Variants in GRIP1 observed in about 807,000 individuals in gnomAD.
GRIP1 encodes the protein glutamate receptor-interacting protein 1.
GRIP1 carries 45 observed loss-of-function variants against 129.9 expected under a neutral mutation model. That is an observed-to-expected ratio of 0.35 (90% CI 0.27 to 0.44). GRIP1 has a LOEUF of 0.44. Ranked by LOEUF, GRIP1 falls within the 20% of genes least tolerant of loss-of-function variation. The pLI is 1.00. For missense variants in GRIP1, 1,196 were observed against 1,396.8 expected (o/e 0.86, Z 2.29); for synonymous variants, 530 against 520.8 (o/e 1.02, Z -0.24).
chr12:66,481,159 C>T (rs901036312), intron 7 of GRIP1, among the ~76,000 whole-genome samples: 1 of 148,266 alleles, frequency 6.7e-6, no homozygotes, highest in African/African-American at 2.5e-5. Context: ...AGTGAAGAGG[C>T]AACCTACAGA....
intron 1 of GRIP1, among the ~76,000 whole-genome samples, chr12:66,912,376 G>A (rs2041044708): frequency 6.6e-6 from 1 of 152,004 alleles, no homozygotes; most frequent in South Asian, 2.1e-4. Flanking sequence ...CAAAGGAATT[G>A]AAGAAATACA....
intron 1 of GRIP1, among the ~76,000 whole-genome samples, chr12:66,672,051 G>A (rs931092783): frequency 3.9e-5 from 6 of 152,098 alleles, no homozygotes; most frequent in Non-Finnish European, 8.8e-5. Flanking sequence ...CAGAATATTA[G>A]GAAGAAGATG....
intron 5 of GRIP1, among the ~76,000 whole-genome samples, chr12:66,526,251 A>G (rs1198554378): frequency 6.6e-6 from 1 of 151,092 alleles, no homozygotes; most frequent in African/African-American, 2.4e-5. Flanking sequence ...ACAAAGCTGG[A>G]GGCATCAAGC....
At chr12:66,505,262 C>G (rs923165031) in intron 7 of GRIP1, among the ~76,000 whole-genome samples, 1 of 151,666 alleles carries the variant, frequency 6.6e-6, no homozygotes, top group African/African-American at 2.4e-5. Flanking sequence ...CTCAATGAAC[C>G]GTTGCTGTCT....
At chr12:66,479,829 T>C (rs2059745774) in intron 7 of GRIP1, among the ~76,000 whole-genome samples, 2 of 147,740 alleles carry the variant, frequency 1.4e-5, no homozygotes, top group African/African-American at 5.0e-5. Flanking sequence ...CACATGATTA[T>C]CTCAATAGAT....
At chr12:66,532,650 T>C (rs1357207943) in intron 4 of GRIP1, among the ~76,000 whole-genome samples, 1 of 152,156 alleles carries the variant, frequency 6.6e-6, no homozygotes, top group Non-Finnish European at 1.5e-5. Flanking sequence ...CTTGCCCTGT[T>C]TTCCCTCTGC....
At chr12:66,949,760 CT>C (rs781123585) in intron 1 of GRIP1, among the ~76,000 whole-genome samples, 5,571 of 85,470 alleles carry the variant, frequency 0.065, 27 homozygotes, top group African/African-American at 0.1. Context: ...CATGCTCCTC[CT>C]TTTTTTTTTT....
rs3924009 is a variant in GRIP1, at chr12:66,897,686, G to T, written c.58+171364C>A. Among the ~76,000 whole-genome samples the T allele has an allele frequency of 1.3e-3, 196 of 152,270 alleles. 1 individual carries two copies. The highest frequency in any genetic ancestry group is 4.4e-3 in the African/African-American group (182 of 41,550). On this transcript the variant is annotated intron_variant, in intron 1 of 1. Transcript: ENST00000643019. ...ACACCAGGTAACAGATCCAATTATG[G>T]CAAAACAGGGGAAATTAACGCTATG...
In GRIP1 at chr12:66,531,253, ATATATATATATATATATATATATATAT is replaced by A. The variant is rs1409295965; in HGVS notation, c.419-1366_419-1340del. 3.3e-3 allele frequency among the ~76,000 whole-genome samples: 57 copies of A among 17,384 alleles called. 4 individuals carry two copies. Among genetic ancestry groups the A allele is most frequent in the African/African-American group, 5.0e-3 (25 of 5,028 alleles). 11.4% of individuals were successfully genotyped at this position (17,384 alleles called of 152,430 possible). A position where few individuals can be genotyped will look rare whatever the true frequency, so the allele number is the denominator to read the frequency against. On this transcript the variant is annotated intron_variant, in intron 4 of 24. Transcript: ENST00000359742. ...TCTGTCTCAAAAAAAAAAAAAAAAA[ATATATATATATATATATATATATATAT>A]ATATATATATATATATATATATACA...
At chr12:66,588,528 TTTCA>T (rs2063726988) in intron 2 of GRIP1, among the ~76,000 whole-genome samples, 1 of 152,174 alleles carries the variant, frequency 6.6e-6, no homozygotes, top group Non-Finnish European at 1.5e-5. Context: ...AGTCTTCACA[TTTCA>T]TTCTAAGTAA....
chr12:66,607,015 AAGAG>A (rs1592638618), intron 1 of GRIP1, among the ~76,000 whole-genome samples: 1 of 138,070 alleles, frequency 7.2e-6, no homozygotes, highest in South Asian at 2.2e-4. Context: ...GAGAGAGAGA[AAGAG>A]AGAGAGTGTG....
chr12:66,697,000 C>T (rs1389058691), intron 1 of GRIP1, among the ~76,000 whole-genome samples: 7 of 151,988 alleles, frequency 4.6e-5, no homozygotes, highest in African/African-American at 1.7e-4. Context: ...CTGTAAAGCA[C>T]AAAGTAACTT....
intron 1 of GRIP1, among the ~76,000 whole-genome samples, chr12:66,659,915 C>A (rs771883033): frequency 6.6e-6 from 1 of 152,092 alleles, no homozygotes; most frequent in Non-Finnish European, 1.5e-5. Context: ...ACTCCCAAAA[C>A]GCATAGAGTT....
intron 1 of GRIP1, among the ~76,000 whole-genome samples, chr12:66,998,353 G>A (rs1363775315): frequency 6.6e-6 from 1 of 152,018 alleles, no homozygotes; most frequent in South Asian, 2.1e-4. Context: ...TCTGTTTGAA[G>A]GTTAGAAAAA....
At chr12:66,675,819 C>A (rs2034300497) in intron 1 of GRIP1, among the ~76,000 whole-genome samples, 1 of 152,136 alleles carries the variant, frequency 6.6e-6, no homozygotes, top group Non-Finnish European at 1.5e-5. Context: ...TTTTCATGAA[C>A]CAAAGTTCCT....
At chr12:67,055,531 T>C (rs2043421036) in intron 1 of GRIP1, among the ~76,000 whole-genome samples, 1 of 152,224 alleles carries the variant, frequency 6.6e-6, no homozygotes, top group African/African-American at 2.4e-5. Flanking sequence ...CTCTCCGACA[T>C]TTTGGTCTCA....
At chr12:66,394,597 C>T (rs756820328) in intron 16 of GRIP1, among the ~76,000 whole-genome samples, 4 of 152,146 alleles carry the variant, frequency 2.6e-5, no homozygotes, top group Admixed American at 6.5e-5. Flanking sequence ...GTGTGAGATC[C>T]GCCCAGCTGG....
chr12:66,805,966 T>TC (rs2038982222), upstream of GRIP1, among the ~76,000 whole-genome samples: 1 of 124,682 alleles, frequency 8.0e-6, no homozygotes, highest in Non-Finnish European at 1.9e-5. Context: ...TCCTTAGGTT[T>TC]CTTTTTTTTT....
intron 1 of GRIP1, among the ~76,000 whole-genome samples, chr12:66,817,890 C>T (rs534324346): frequency 1.3e-5 from 2 of 152,186 alleles, no homozygotes; most frequent in East Asian, 1.9e-4. Flanking sequence ...TAGGAAGAAG[C>T]TACATTTTAA....
Sources: gnomAD v4.1 joint callset for allele counts (sites outside exome capture counted in the v4.1 genomes callset) on GRCh38, gnomAD v4.1.1 for gene constraint, MANE v1.5 for transcripts, NCBI Gene and HGNC (gene_info 2026-07-23, HGNC 2026-07-21) for gene names.